The following COL24A1 variants were observed in gnomAD, a reference collection of about 807,000 sequenced individuals.
COL24A1 encodes collagen type XXIV alpha 1 chain.
In COL24A1, 224 loss-of-function variants were observed where a neutral mutation model predicts 253.9. That is an observed-to-expected ratio of 0.88 (90% CI 0.79 to 0.99). The LOEUF (loss-of-function observed/expected upper bound fraction) is 0.99, where lower values mean the gene tolerates loss of function less well. Among genes scored for constraint, COL24A1 ranks in the 50% least tolerant of loss-of-function variants. The pLI is 0.00. For missense variants in COL24A1, 2,131 were observed against 2,068.5 expected (o/e 1.03, Z -0.59); for synonymous variants, 685 against 673.7 (o/e 1.02, Z -0.26).
chr1:85,763,341 C>T (rs1667019276), intron 53 of COL24A1, among the ~76,000 whole-genome samples: 1 of 151,908 alleles, frequency 6.6e-6, no homozygotes, highest in African/African-American at 2.4e-5. Flanking sequence ...TTGCTTGAAC[C>T]CGGGAAGCAG....
At chr1:85,831,829 G>A (rs971747477) in intron 43 of COL24A1, among the ~76,000 whole-genome samples, 1 of 152,088 alleles carries the variant, frequency 6.6e-6, no homozygotes, top group African/African-American at 2.4e-5. Context: ...GCTATGACTG[G>A]AGACAGGAAG....
In COL24A1 at chr1:86,066,789, G is replaced by C. The variant is rs376917941; in HGVS notation, c.1708-3030C>G. ...TGTGAATACTGGAATCTATCAGAAA[G>C]TAACTACTTTTTTCAATGTAGCTGT... On this transcript the variant is annotated intron_variant, in intron 7 of 59. Transcript: ENST00000370571. 3.2e-4 allele frequency among the ~76,000 whole-genome samples: 49 copies of C among 152,170 alleles called. No homozygotes were observed. The South Asian group carries it at 1.0e-2, about 31-fold the overall frequency.
intron 22 of COL24A1, among the ~76,000 whole-genome samples, chr1:85,969,307 T>A (rs960442245): frequency 2.6e-5 from 4 of 152,016 alleles, no homozygotes; most frequent in African/African-American, 9.7e-5. Context: ...AAAAGCATTT[T>A]AAGAACCAGT....
chr1:86,110,828 C>A (rs552762479), intron 5 of COL24A1, among the ~76,000 whole-genome samples: 3 of 152,056 alleles, frequency 2.0e-5, no homozygotes, highest in East Asian at 2.0e-4. Context: ...CCCCGCCCCC[C>A]ACACCCCATG....
chr1:85,847,859 G>A, intron 38 of COL24A1, 87 bp from the exon 39 acceptor site: 1 of 749,434 alleles, frequency 1.3e-6, no homozygotes, highest in African/African-American at 1.8e-5. Flanking sequence ...AATAGCTCCT[G>A]AGGATTATCT....
intron 22 of COL24A1, among the ~76,000 whole-genome samples, chr1:85,969,748 T>C (rs779299523): frequency 6.6e-6 from 1 of 151,470 alleles, no homozygotes; most frequent in Non-Finnish European, 1.5e-5. Context: ...TTTCATAAGG[T>C]AAACTTTGAT....
chr1:85,936,891 G>C (rs867192105), intron 24 of COL24A1, among the ~76,000 whole-genome samples: 3 of 146,750 alleles, frequency 2.0e-5, no homozygotes, highest in African/African-American at 7.5e-5. Flanking sequence ...GTAGAGTCTG[G>C]GCACTTAATC....
intron 19 of COL24A1, among the ~76,000 whole-genome samples, chr1:86,002,173 C>G (rs1259431994): frequency 7.2e-5 from 11 of 152,240 alleles, no homozygotes; most frequent in Admixed American, 6.5e-4. Context: ...CAGCCAATCA[C>G]TTACATCTCT....
chr1:85,924,796 A>AG lies in COL24A1; in HGVS notation c.2563-13364dup, dbSNP rs1183050673. Among the ~76,000 whole-genome samples, 21 of 152,334 alleles carry AG rather than the reference A, an allele frequency of 1.4e-4. 1 individual carries two copies. In the South Asian group the frequency reaches 3.9e-3, roughly 29 times the overall value. ...ATGCCCTCTCTCACCACTCTTATTCAGCATAGTGTTGGAAGTTCTGGTCAG... is the reference window on the plus strand; with the variant it reads ...ATGCCCTCTCTCACCACTCTTATTCAGGCATAGTGTTGGAAGTTCTGGTCAG... On this transcript the variant is annotated intron_variant, in intron 24 of 59. Transcript: ENST00000370571.
chr1:85,876,861 A>G (rs1681228276), intron 33 of COL24A1, among the ~76,000 whole-genome samples: 1 of 152,224 alleles, frequency 6.6e-6, no homozygotes, highest in Non-Finnish European at 1.5e-5. Flanking sequence ...TATCAAGTCA[A>G]CTTTAAATCA....
Position 86,037,614 on chromosome 1 carries a change from C to G in COL24A1, c.1951-3691G>C, listed in dbSNP as rs537070707. ...AATGAACTTTACCCCAGTCAAGCTT[C>G]CAGATGATAATGCAGCCTGTCTGAC... is the stretch of plus-strand genomic sequence containing the variant. On this transcript the variant is annotated intron_variant, in intron 12 of 59. Transcript: ENST00000370571. 2.6e-5 allele frequency among the ~76,000 whole-genome samples: 4 copies of G among 152,238 alleles called. No individual in the cohort carries two copies. The East Asian group carries it at 7.7e-4, about 29-fold the overall frequency.
At chr1:85,972,161 T>G (rs1235831823) in intron 20 of COL24A1, among the ~76,000 whole-genome samples, 1 of 152,316 alleles carries the variant, frequency 6.6e-6, no homozygotes, top group Admixed American at 6.5e-5. Flanking sequence ...AGTCTCTTTT[T>G]AGAATTATAG....
intron 32 of COL24A1, among the ~76,000 whole-genome samples, chr1:85,886,807 A>T (rs531135104): frequency 9.7e-4 from 148 of 152,196 alleles, no homozygotes; most frequent in African/African-American, 3.3e-3. Flanking sequence ...AAGGTGGATA[A>T]TTCTTTATAT....
Position 86,033,879 on chromosome 1 carries a change from A to G in COL24A1, c.1995T>C (p.Asp665=), listed in dbSNP as rs972069202. Residue 665 remains aspartate, a synonymous_variant, in exon 13 of 60, where the codon GAT becomes GAC. Transcript: ENST00000370571. The part of the protein sequence containing the change: ...DFGDRGPAGL[D]GSPGLVGGTG... Reference sequence around the variant, plus strand: ...AACATAATGTACTCACAGGACTGCCATCAAGACCAGCAGGGCCTCTGTCTC... The same window carrying G: ...AACATAATGTACTCACAGGACTGCCGTCAAGACCAGCAGGGCCTCTGTCTC... 2 of 1,603,642 alleles carry G rather than the reference A, an allele frequency of 1.2e-6. No individual in the cohort carries two copies. The highest frequency in any genetic ancestry group is 1.7e-6 in the Non-Finnish European group (2 of 1,175,892).
At chr1:85,761,288 G>C (rs1051694874) in intron 55 of COL24A1, 108 bp downstream of exon 55, 23 of 1,233,718 alleles carry the variant, frequency 1.9e-5, no homozygotes, top group African/African-American at 4.6e-5. Context: ...AAAGAACAGA[G>C]GTATCCAAAA....
rs79192199 is a variant in COL24A1, at chr1:85,943,257, T to C, written c.2562+17992A>G. On this transcript the variant is annotated intron_variant, in intron 24 of 59. Transcript: ENST00000370571. ...GTTACATCATTGGCTTCCATGGTCC[T>C]GAGGCCTTTGTACTTGGACAGAGCC... is the stretch of plus-strand genomic sequence containing the variant. Among the ~76,000 whole-genome samples the C allele has an allele frequency of 5.1e-3, 779 of 152,364 alleles. 21 individuals are homozygous for C. In the East Asian group the frequency reaches 0.062, roughly 12 times the overall value.
chr1:85,979,392 C>T (rs1693019647), intron 20 of COL24A1, among the ~76,000 whole-genome samples: 1 of 151,588 alleles, frequency 6.6e-6, no homozygotes, highest in African/African-American at 2.4e-5. Context: ...ATAAATGAAA[C>T]AAAAAGCTGG....
Position 86,031,769 on chromosome 1 carries a change from C to T in COL24A1, c.2049+109G>A, listed in dbSNP as rs140270594. The stretch of plus-strand genomic sequence containing the variant: ...ACATTTAATCAAGGTTGATAACCAA[C>T]AATGACAGTAAAACCTCTCATTTCC... On this transcript the variant is annotated intron_variant, in intron 14 of 59. Coordinates refer to ENST00000370571, the MANE Select transcript of COL24A1 (RefSeq NM_152890.7). 6.1e-4 allele frequency: 480 copies of T among 783,452 alleles called. No homozygotes were observed. In the African/African-American group the frequency reaches 7.8e-3, roughly 13 times the overall value. 48.5% of individuals were successfully genotyped at this position (783,452 alleles called of 1,614,324 possible).
chr1:85,916,557 G>A (rs1209812254), intron 24 of COL24A1, among the ~76,000 whole-genome samples: 2 of 152,218 alleles, frequency 1.3e-5, no homozygotes, highest in African/African-American at 2.4e-5. Context: ...GTGGCAACAT[G>A]TTCCTGTAGT....
Sources: allele counts gnomAD v4.1 joint callset (sites outside exome capture counted in the v4.1 genomes callset), GRCh38; gene constraint gnomAD v4.1.1; transcripts MANE v1.5; gene names NCBI Gene and HGNC (gene_info 2026-07-23, HGNC 2026-07-21).